The following SNX7 variants were observed in gnomAD, a reference collection of about 807,000 sequenced individuals.
The protein encoded by SNX7 is sorting nexin-7.
A neutral mutation model predicts 48.4 loss-of-function variants in SNX7; 35 were observed. The observed-to-expected ratio is 0.72, with a 90% CI of 0.55 to 0.96. The LOEUF is 0.96. Among genes scored for constraint, SNX7 ranks in the 40% least tolerant of loss-of-function variants. The pLI is 0.00. For synonymous variants in SNX7, 190 were observed against 190.2 expected (o/e 1.00, Z 0.01); for missense variants, 553 against 548.9 (o/e 1.01, Z -0.07).
At chr1:98,673,098 G>T (rs1649971450) in intron 1 of SNX7, among the ~76,000 whole-genome samples, 1 of 152,102 alleles carries the variant, frequency 6.6e-6, no homozygotes, top group Non-Finnish European at 1.5e-5. Context: ...TTTACTTTGG[G>T]ATTTTCAGGT....
intron 7 of SNX7, among the ~76,000 whole-genome samples, chr1:98,726,932 C>T (rs908324990): frequency 1.5e-4 from 23 of 152,056 alleles, no homozygotes; most frequent in African/African-American, 4.8e-4. Flanking sequence ...TTTTTTTGGC[C>T]GGGTGCAGTG....
intron 1 of SNX7, among the ~76,000 whole-genome samples, chr1:98,676,906 G>C (rs931810238): frequency 1.3e-5 from 2 of 152,070 alleles, no homozygotes; most frequent in African/African-American, 4.8e-5. Flanking sequence ...GCCATTTTTG[G>C]CCTCCTTTAT....
chr1:98,730,550 G>A (rs1251101327), intron 7 of SNX7, among the ~76,000 whole-genome samples: 8 of 152,008 alleles, frequency 5.3e-5, no homozygotes, highest in African/African-American at 1.7e-4. Flanking sequence ...AACAACTTCA[G>A]CAAAGTCTCA....
intron 5 of SNX7, among the ~76,000 whole-genome samples, chr1:98,697,424 T>C (rs1218916758): frequency 6.6e-6 from 1 of 152,088 alleles, no homozygotes; most frequent in African/African-American, 2.4e-5. Flanking sequence ...TGTATTTATA[T>C]GGATAGTGAA....
At chr1:98,662,034 G>C (rs989170894) in intron 1 of SNX7, 123 bp downstream of exon 1, 2 of 1,043,708 alleles carry the variant, frequency 1.9e-6, no homozygotes, top group Admixed American at 8.6e-5. Context: ...AGCTGGGGAC[G>C]AGTGAGGTCC....
Position 98,667,695 on chromosome 1 carries a change from T to C in SNX7, c.180+5784T>C, listed in dbSNP as rs376625544. On this transcript the variant is annotated intron_variant, in intron 1 of 8. Transcript: ENST00000306121. ...CCACACCTGGTCCAGGAGTAGGGAC[T>C]CTAACTACATTGCCTGCATTTGAAA... 2.0e-5 allele frequency among the ~76,000 whole-genome samples: 3 copies of C among 152,080 alleles called. No individual in the cohort carries two copies. In the East Asian group the frequency reaches 5.8e-4, roughly 29 times the overall value.
chr1:98,759,194 A>G (rs1655001065), intron 8 of SNX7, among the ~76,000 whole-genome samples: 1 of 151,890 alleles, frequency 6.6e-6, no homozygotes, highest in South Asian at 2.1e-4. Context: ...ATACATGTCT[A>G]TGGCAGTCTA....
chr1:98,738,199 T>TC, intron 7 of SNX7, 38 bp from the exon 8 acceptor site: 1 of 1,593,516 alleles, frequency 6.3e-7, no homozygotes, highest in Non-Finnish European at 8.5e-7. Flanking sequence ...TGGAAAGAAT[T>TC]CATAGATCAA....
intron 7 of SNX7, among the ~76,000 whole-genome samples, chr1:98,723,287 AT>A (rs1438415762): frequency 6.6e-6 from 1 of 152,022 alleles, no homozygotes; most frequent in Non-Finnish European, 1.5e-5. Context: ...AAAATAGATG[AT>A]TTGTTTTAGA....
At chr1:98,691,741 T>G in intron 4 of SNX7, 42 bp downstream of exon 4, 1 of 1,471,454 alleles carries the variant, frequency 6.8e-7, no homozygotes, top group Non-Finnish European at 9.2e-7. Flanking sequence ...TTTGGGTGTC[T>G]GTATCTATAG....
intron 1 of SNX7, among the ~76,000 whole-genome samples, chr1:98,671,083 A>G (rs1193984829): frequency 6.6e-6 from 1 of 152,228 alleles, no homozygotes; most frequent in Non-Finnish European, 1.5e-5. Context: ...ACAAGTAGCT[A>G]GTGTGATCAA....
At chr1:98,730,297 A>G (rs1302228958) in intron 7 of SNX7, among the ~76,000 whole-genome samples, 1 of 152,116 alleles carries the variant, frequency 6.6e-6, no homozygotes, top group Non-Finnish European at 1.5e-5. Flanking sequence ...ACCCACAGCC[A>G]TATCATACTG....
At chr1:98,744,789 A>G (rs1219593112) in intron 8 of SNX7, among the ~76,000 whole-genome samples, 2 of 152,050 alleles carry the variant, frequency 1.3e-5, no homozygotes, top group Admixed American at 1.3e-4. Context: ...ATGGCTGGGT[A>G]TCTTCTGTTT....
chr1:98,754,697 C>T (rs1654756314), intron 8 of SNX7, among the ~76,000 whole-genome samples: 2 of 151,904 alleles, frequency 1.3e-5, no homozygotes, highest in African/African-American at 2.4e-5. Flanking sequence ...TATGTCATCT[C>T]TTTTTTTATG....
At chr1:98,741,598 G>A (rs1300360411) in intron 8 of SNX7, among the ~76,000 whole-genome samples, 3 of 152,128 alleles carry the variant, frequency 2.0e-5, no homozygotes, top group South Asian at 2.1e-4. Context: ...AATGAATAAC[G>A]AAACAATAAA....
At chr1:98,737,951 T>C (rs1000678766) in intron 7 of SNX7, among the ~76,000 whole-genome samples, 3 of 152,292 alleles carry the variant, frequency 2.0e-5, no homozygotes, top group South Asian at 4.1e-4. Context: ...TTCAGTTGCC[T>C]TTGTTTTATA....
intron 1 of SNX7, among the ~76,000 whole-genome samples, 171 bp from the exon 2 acceptor site, chr1:98,684,714 T>G (rs1307750193): frequency 1.3e-5 from 2 of 152,192 alleles, no homozygotes; most frequent in East Asian, 3.9e-4. Flanking sequence ...ATCTTTTGGG[T>G]GGGATTTTCA....
intron 5 of SNX7, among the ~76,000 whole-genome samples, chr1:98,697,142 A>G (rs1651500348): frequency 6.6e-6 from 1 of 152,046 alleles, no homozygotes; most frequent in African/African-American, 2.4e-5. Flanking sequence ...TGAGAAAAGA[A>G]AGTGGAAAAT....
Position 98,673,940 on chromosome 1 carries a change from T to C in SNX7, c.181-10945T>C, listed in dbSNP as rs191451831. Among the ~76,000 whole-genome samples, 470 of 152,354 alleles carry C rather than the reference T, an allele frequency of 3.1e-3. 3 individuals are homozygous for C. Among genetic ancestry groups the C allele is most frequent in the African/African-American group, 0.011 (455 of 41,570 alleles). On this transcript the variant is annotated intron_variant, in intron 1 of 8. Transcript: ENST00000306121. ...AGATTAATATTTTGTTTTTGACTTG[T>C]GTAAGCAGCCACTTTGAATTTGTAG...
Sources: gnomAD v4.1 joint callset for allele counts (sites outside exome capture counted in the v4.1 genomes callset) on GRCh38, gnomAD v4.1.1 for gene constraint, MANE v1.5 for transcripts, NCBI Gene and HGNC (gene_info 2026-07-23, HGNC 2026-07-21) for gene names.